Variants in ANKRD36C observed in about 807,000 individuals in gnomAD.
The protein encoded by ANKRD36C is ankyrin repeat domain 36C.
A neutral mutation model predicts 276.4 loss-of-function variants in ANKRD36C; 61 were observed. The ratio of observed to expected loss-of-function variants is 0.22; its 90% CI spans 0.18 to 0.27. The LOEUF (loss-of-function observed/expected upper bound fraction) is 0.27, where lower values mean the gene tolerates loss of function less well. Among genes scored for constraint, ANKRD36C ranks in the 10% least tolerant of loss-of-function variants. The pLI is 1.00. For synonymous variants in ANKRD36C, 483 were observed against 680.1 expected, an observed-to-expected ratio of 0.71 and a Z score of 4.51; for missense variants, 1,447 against 2,032.3, an observed-to-expected ratio of 0.71 and a Z score of 5.54.
At chr2:95,978,132 A>G in exon 6 of ANKRD36C, 1 of 1,255,180 alleles carries the variant, frequency 8.0e-7, no homozygotes, top group Non-Finnish European at 1.1e-6. Context: ...CTGGATTGCT[A>G]TTTATAGAAA....
chr2:95,948,492 C>T (rs1227390231), intron 17 of ANKRD36C, 38 bp downstream of exon 17: 4 of 1,508,380 alleles, frequency 2.7e-6, no homozygotes, highest in South Asian at 1.3e-5. Flanking sequence ...AAATGAGATT[C>T]GGAGTGAGAA....
chr2:95,961,047 G>T (rs1678447654), intron 8 of ANKRD36C, among the ~76,000 whole-genome samples: 1 of 152,058 alleles, frequency 6.6e-6, no homozygotes, highest in Non-Finnish European at 1.5e-5. Context: ...TGTTTTTCAT[G>T]TAACACATCA....
At position 95,912,243 on chromosome 2, in the gene ANKRD36C, C is replaced by T; in HGVS notation, c.2653+1G>A. ...ACATTAAATGTGTTTTGCAAAATTA[C>T]CTGTCCTAGATGTTTCTCCATCCTT... On this transcript the variant is annotated splice_donor_variant, in intron 42 of 66. Transcript: ENST00000456556. LOFTEE classifies it high-confidence loss of function. 1 of 1,547,132 alleles carries T rather than the reference C, an allele frequency of 6.5e-7. No individual in the cohort carries two copies. Among genetic ancestry groups the T allele is most frequent in the Non-Finnish European group, 8.7e-7 (1 of 1,146,440 alleles).
At chr2:95,883,550 C>T (rs1385984550) in intron 54 of ANKRD36C, among the ~76,000 whole-genome samples, 1 of 152,030 alleles carries the variant, frequency 6.6e-6, no homozygotes, top group Non-Finnish European at 1.5e-5. Flanking sequence ...TGGTTTATCC[C>T]AATTCTAGGA....
chr2:95,963,940 TATAA>T (rs1371254791), intron 6 of ANKRD36C, among the ~76,000 whole-genome samples: 1 of 114,866 alleles, frequency 8.7e-6, no homozygotes, highest in Non-Finnish European at 1.7e-5. Context: ...TATATACATA[TATAA>T]ATATATATAT....
rs570425544 is a variant in ANKRD36C, at chr2:95,897,402, T to C, written c.2755+1743A>G. The C allele has an allele frequency of 1.6e-5, 24 of 1,545,996 alleles. 1 individual carries two copies. In the East Asian group the frequency reaches 4.1e-4, roughly 27 times the overall value. On this transcript the variant is annotated intron_variant, in intron 44 of 66. Transcript: ENST00000456556. ...AAAGTATGTTTCATAGACTATACAT[T>C]TACTAGTTCACAATATAAATGACAG... is the stretch of plus-strand genomic sequence containing the variant.
At chr2:95,911,435 C>A (rs1676920835) in intron 42 of ANKRD36C, among the ~76,000 whole-genome samples, 1 of 151,424 alleles carries the variant, frequency 6.6e-6, no homozygotes, top group Admixed American at 6.6e-5. Context: ...TTAGGAGTAT[C>A]ATGTTATTTT....
At position 95,892,304 on chromosome 2, in the gene ANKRD36C, T is replaced by A. The variant is rs547611442; in HGVS notation, c.2756-444A>T. Among the ~76,000 whole-genome samples the A allele has an allele frequency of 1.9e-3, 289 of 151,636 alleles. 1 individual carries two copies. Among genetic ancestry groups the A allele is most frequent in the Middle Eastern group, 6.8e-3 (2 of 294 alleles). On this transcript the variant is annotated intron_variant, in intron 44 of 66. Coordinates refer to ENST00000456556, the Ensembl canonical transcript of ANKRD36C. ...CATCATGCTCTTTAACTTGCCCAGTTAATGAGAAGGCACACAATTACGATA... is the reference window on the plus strand; with the variant it reads ...CATCATGCTCTTTAACTTGCCCAGTAAATGAGAAGGCACACAATTACGATA...
chr2:95,869,842 G>A (rs1454229021), intron 59 of ANKRD36C, among the ~76,000 whole-genome samples: 2 of 152,194 alleles, frequency 1.3e-5, no homozygotes, highest in East Asian at 1.9e-4. Context: ...CTTAAAAAAC[G>A]GCACACCAGG....
chr2:95,860,031 A>C (rs1176028140), exon 61 of ANKRD36C: 3 of 1,546,214 alleles, frequency 1.9e-6, no homozygotes, highest in Admixed American at 2.0e-5. Context: ...TTAATCTTTT[A>C]CATAAACAAA....
intron 62 of ANKRD36C, 26 bp downstream of exon 82, chr2:95,857,283 T>G (rs1356810636): frequency 3.8e-6 from 6 of 1,583,988 alleles, no homozygotes; most frequent in Middle Eastern, 2.3e-4. Flanking sequence ...AGTAGAAATA[T>G]GAAGTTTTAC....
intron 6 of ANKRD36C, among the ~76,000 whole-genome samples, chr2:95,976,492 T>G (rs1216696111): frequency 6.6e-6 from 1 of 152,086 alleles, no homozygotes; most frequent in Non-Finnish European, 1.5e-5. Context: ...TTATCAGGGG[T>G]TTCAGTACAA....
chr2:95,915,818 G>C (rs1246794450), intron 38 of ANKRD36C, among the ~76,000 whole-genome samples, 162 bp downstream of exon 40: 1 of 151,448 alleles, frequency 6.6e-6, no homozygotes, highest in Non-Finnish European at 1.5e-5. Context: ...TCATGTTCCA[G>C]ACCAGCAGCA....
At chr2:95,889,939 T>A (rs770364123) in intron 47 of ANKRD36C, 27 bp downstream of exon 67, 2 of 1,609,782 alleles carry the variant, frequency 1.2e-6, no homozygotes, top group South Asian at 2.2e-5. Flanking sequence ...AGTTAATAGT[T>A]CAAAATATAA....
chr2:95,919,565 A>T (rs1677208312), intron 34 of ANKRD36C, among the ~76,000 whole-genome samples, 168 bp downstream of exon 36: 1 of 132,234 alleles, frequency 7.6e-6, no homozygotes, highest in Non-Finnish European at 1.7e-5. Context: ...GGCCAACAGC[A>T]TTAGCGTCTC....
chr2:95,922,307 G>A (rs1169534489), intron 32 of ANKRD36C, among the ~76,000 whole-genome samples: 2 of 151,550 alleles, frequency 1.3e-5, no homozygotes, highest in African/African-American at 4.8e-5. Flanking sequence ...TCATGTCTCT[G>A]TCTCTTCAGT....
intron 19 of ANKRD36C, among the ~76,000 whole-genome samples, chr2:95,942,590 C>T (rs1257251976): frequency 1.3e-5 from 2 of 152,286 alleles, no homozygotes; most frequent in Non-Finnish European, 2.9e-5. Context: ...TTTTCTGATT[C>T]TCCTGTAAAT....
chr2:95,916,618 T>A (rs1558638793), intron 36 of ANKRD36C, among the ~76,000 whole-genome samples: 1 of 151,612 alleles, frequency 6.6e-6, no homozygotes, highest in Non-Finnish European at 1.5e-5. Context: ...GCCCAATAAC[T>A]GAGAAGGCAC....
chr2:95,895,671 A>G, intron 44 of ANKRD36C, 81 bp from the exon 61 acceptor site: 2 of 1,558,426 alleles, frequency 1.3e-6, no homozygotes, highest in Non-Finnish European at 1.7e-6. Flanking sequence ...GTTAGCATCA[A>G]CCTCTGTCCT....
Sources: allele counts gnomAD v4.1 joint callset (sites outside exome capture counted in the v4.1 genomes callset), GRCh38; gene constraint gnomAD v4.1.1; transcripts MANE v1.5; gene names NCBI Gene and HGNC (gene_info 2026-07-23, HGNC 2026-07-21).